Variants in COL25A1 observed in about 807,000 individuals in gnomAD.
The protein encoded by COL25A1 is collagen alpha-1(XXV) chain.
A neutral mutation model predicts 128.4 loss-of-function variants in COL25A1; 103 were observed. The observed-to-expected ratio is 0.80, with a 90% confidence interval of 0.68 to 0.94. The LOEUF (loss-of-function observed/expected upper bound fraction) is 0.94, where lower values mean the gene tolerates loss of function less well. COL25A1 is among the 40% of genes least tolerant of loss of function. The probability of loss-of-function intolerance (pLI) is 0.00; values close to 1 mark genes in which losing one functional copy is unlikely to be tolerated. For synonymous variants in COL25A1, 279 were observed against 277.2 expected (o/e 1.01, Z -0.06); for missense variants, 745 against 840.0 (o/e 0.89, Z 1.40).
chr4:109,197,431 A>C lies in COL25A1; in HGVS notation c.367+103152T>G, dbSNP rs1560850311. 1.3e-3 allele frequency among the ~76,000 whole-genome samples: 167 copies of C among 124,120 alleles called. 1 individual carries two copies. Among genetic ancestry groups the C allele is most frequent in the African/African-American group, 4.6e-3 (152 of 33,030 alleles). The allele number at this position is 124,120 out of a possible 152,430, so 81.4% of individuals were successfully genotyped here. On this transcript the variant is annotated intron_variant, in intron 3 of 37. Coordinates refer to ENST00000399132, the MANE Select transcript of COL25A1 (RefSeq NM_198721.4). The stretch of plus-strand genomic sequence containing the variant: ...AATATATATTATATATTATATATAA[A>C]TATTATATATTATATATATTATATA...
At position 108,844,202 on chromosome 4, in the gene COL25A1, G is replaced by T. The variant is rs149990433; in HGVS notation, c.1629+317C>A. Reference sequence around the variant, plus strand: ...GCCAATTCTAAATCTTATTCTGCTGGTATCAGGTTAGAGGAGTGGCCGGAT... The same window carrying T: ...GCCAATTCTAAATCTTATTCTGCTGTTATCAGGTTAGAGGAGTGGCCGGAT... On this transcript the variant is annotated intron_variant, in intron 30 of 37. Coordinates refer to ENST00000399132, the MANE Select transcript of COL25A1 (RefSeq NM_198721.4). Among the ~76,000 whole-genome samples, 1,194 of 152,288 alleles carry T rather than the reference G, an allele frequency of 7.8e-3. 13 individuals carry two copies. Among genetic ancestry groups the T allele is most frequent in the African/African-American group, 0.027 (1,140 of 41,556 alleles).
At position 109,003,798 on chromosome 4, in the gene COL25A1, T is replaced by TCAAAAACAAAAA. The variant is rs139158630; in HGVS notation, c.438+6548_438+6559dup. On this transcript the variant is annotated intron_variant, in intron 6 of 37. Transcript: ENST00000399132. ...CTGGGCAACAGAGCGAGACTCCATC[T>TCAAAAACAAAAA]CAAAAACAAAAACAAAAACAAAAAA... Among the ~76,000 whole-genome samples, 17 of 151,748 alleles carry TCAAAAACAAAAA rather than the reference T, an allele frequency of 1.1e-4. No individual in the cohort carries two copies. In the East Asian group the frequency reaches 2.5e-3, roughly 23 times the overall value.
intron 3 of COL25A1, among the ~76,000 whole-genome samples, chr4:109,298,329 T>G (rs538456531): frequency 6.6e-6 from 1 of 152,194 alleles, no homozygotes; most frequent in African/African-American, 2.4e-5. Flanking sequence ...GACTGAGTTC[T>G]ATCAAAAGAA....
intron 6 of COL25A1, among the ~76,000 whole-genome samples, chr4:108,975,404 T>C (rs1037041519): frequency 6.6e-6 from 1 of 152,270 alleles, no homozygotes; most frequent in African/African-American, 2.4e-5. Flanking sequence ...TGAGGTGAGC[T>C]GAGATTGTGC....
At chr4:109,267,564 CTT>C (rs1432019130) in intron 3 of COL25A1, among the ~76,000 whole-genome samples, 1 of 152,120 alleles carries the variant, frequency 6.6e-6, no homozygotes, top group Non-Finnish European at 1.5e-5. Flanking sequence ...TACTTTAACT[CTT>C]CAGTTTCTTC....
intron 31 of COL25A1, among the ~76,000 whole-genome samples, chr4:108,833,464 A>T (rs1733412564): frequency 6.6e-6 from 1 of 152,216 alleles, no homozygotes; most frequent in South Asian, 2.1e-4. Context: ...TGCCTGAAAC[A>T]AGTTTTTAGA....
chr4:109,296,229 G>A (rs934000165), intron 3 of COL25A1, among the ~76,000 whole-genome samples: 26 of 151,936 alleles, frequency 1.7e-4, no homozygotes, highest in Non-Finnish European at 3.5e-4. Flanking sequence ...TTTATCCATT[G>A]CTAGAGTTTT....
intron 3 of COL25A1, among the ~76,000 whole-genome samples, chr4:109,098,379 T>C (rs926236063): frequency 6.6e-6 from 1 of 152,206 alleles, no homozygotes; most frequent in South Asian, 2.1e-4. Context: ...TCTGGACAAG[T>C]GGCTGTTTCT....
chr4:108,959,593 T>C (rs1366099707), intron 8 of COL25A1, among the ~76,000 whole-genome samples: 3 of 152,214 alleles, frequency 2.0e-5, no homozygotes, highest in East Asian at 1.9e-4. Context: ...GCACATGCCA[T>C]TACATTTGAC....
chr4:108,872,115 A>G (rs1223030224), intron 19 of COL25A1, among the ~76,000 whole-genome samples: 2 of 152,146 alleles, frequency 1.3e-5, no homozygotes, highest in East Asian at 3.9e-4. Flanking sequence ...GAATACACGG[A>G]GTATGAAAAG....
Position 109,013,759 on chromosome 4 carries a change from G to A in COL25A1, c.421-3384C>T, listed in dbSNP as rs574618764. ...AGCCAGCGAGACCACGAACCCAACC[G>A]AAGGAAGAAACTCTAAGCACGTCCG... On this transcript the variant is annotated intron_variant, in intron 5 of 37. Coordinates refer to ENST00000399132, the MANE Select transcript of COL25A1 (RefSeq NM_198721.4). Among the ~76,000 whole-genome samples the A allele has an allele frequency of 3.9e-4, 59 of 152,242 alleles. 1 individual carries two copies. Among genetic ancestry groups the A allele is most frequent in the Middle Eastern group, 3.4e-3 (1 of 294 alleles).
At chr4:109,084,260 G>A (rs1764160088) in intron 3 of COL25A1, among the ~76,000 whole-genome samples, 1 of 152,102 alleles carries the variant, frequency 6.6e-6, no homozygotes, top group Admixed American at 6.5e-5. Flanking sequence ...AGACCGTACA[G>A]AATTTGAAAG....
At chr4:109,203,572 G>C (rs1280459912) in intron 3 of COL25A1, among the ~76,000 whole-genome samples, 1 of 152,046 alleles carries the variant, frequency 6.6e-6, no homozygotes, top group African/African-American at 2.4e-5. Flanking sequence ...AGTCCAGAGG[G>C]AGAACTGAGA....
chr4:109,160,197 G>C lies in COL25A1; in HGVS notation c.368-110018C>G, dbSNP rs564578290. On this transcript the variant is annotated intron_variant, in intron 3 of 37. Transcript: ENST00000399132. ...TTTTTCTAATTTATATTCTATCATA[G>C]AAATTTATATTGCTTTTCTTAACTG... Among the ~76,000 whole-genome samples, 15 of 152,230 alleles carry C rather than the reference G, an allele frequency of 9.9e-5. No homozygotes were observed. In the South Asian group the frequency reaches 3.1e-3, roughly 32 times the overall value.
At chr4:108,973,052 AAC>A (rs1256165427) in intron 8 of COL25A1, among the ~76,000 whole-genome samples, 5 of 152,320 alleles carry the variant, frequency 3.3e-5, no homozygotes, top group Non-Finnish European at 5.9e-5. Flanking sequence ...TCAGAATGGA[AAC>A]AGTTTCCCTC....
At chr4:108,854,214 A>T (rs897403894) in intron 24 of COL25A1, 2 of 152,194 alleles carry the variant, frequency 1.3e-5, no homozygotes, top group Admixed American at 1.3e-4. Context: ...TACAAAAATT[A>T]ACTCAAAACG....
intron 6 of COL25A1, among the ~76,000 whole-genome samples, chr4:109,000,191 G>A (rs1755211363): frequency 2.0e-5 from 3 of 152,006 alleles, no homozygotes; most frequent in Admixed American, 2.0e-4. Flanking sequence ...AATTTAAAGA[G>A]GAAACTGGAG....
Position 109,024,482 on chromosome 4 carries a change from A to G in COL25A1, c.421-14107T>C, listed in dbSNP as rs534047225. Reference sequence around the variant, plus strand: ...CATATGGTTATAAATCTATCTAAAAAAAGAAAGAGAAGGAAAAGAAAATAA... The same window carrying G: ...CATATGGTTATAAATCTATCTAAAAGAAGAAAGAGAAGGAAAAGAAAATAA... On this transcript the variant is annotated intron_variant, in intron 5 of 37. Transcript: ENST00000399132. Among the ~76,000 whole-genome samples, 407 of 152,210 alleles carry G rather than the reference A, an allele frequency of 2.7e-3. 1 individual carries two copies. Among genetic ancestry groups the G allele is most frequent in the Non-Finnish European group, 5.0e-3 (337 of 67,984 alleles).
chr4:109,245,349 G>C (rs2158469), intron 3 of COL25A1, among the ~76,000 whole-genome samples: 9,591 of 152,152 alleles, frequency 0.063, 481 homozygotes, highest in East Asian at 0.23. Context: ...TGGTATGAAG[G>C]TGCAGAAAGG....
Sources: gnomAD v4.1 joint callset for allele counts (sites outside exome capture counted in the v4.1 genomes callset) on GRCh38, gnomAD v4.1.1 for gene constraint, MANE v1.5 for transcripts, NCBI Gene and HGNC (gene_info 2026-07-23, HGNC 2026-07-21) for gene names.